Variants in GATA4 observed in about 807,000 individuals in gnomAD.
GATA4 encodes the protein transcription factor GATA-4.
A neutral mutation model predicts 37.9 loss-of-function variants in GATA4; 7 were observed. The ratio of observed to expected loss-of-function variants is 0.18; its 90% CI spans 0.11 to 0.35. The LOEUF (loss-of-function observed/expected upper bound fraction) is 0.35. Among genes scored for constraint, GATA4 ranks in the 10% least tolerant of loss-of-function variants. The pLI is 1.00. For synonymous variants in GATA4, 372 were observed against 292.6 expected (o/e 1.27, Z -2.77); for missense variants, 647 against 653.0 (o/e 0.99, Z 0.10).
chr8:11,751,304 C>T lies in GATA4; in HGVS notation c.912+1068C>T, dbSNP rs115848348. Among the ~76,000 whole-genome samples the T allele has an allele frequency of 3.9e-3, 589 of 152,288 alleles. 1 individual carries two copies. The highest frequency in any genetic ancestry group is 0.013 in the African/African-American group (541 of 41,562). ...AAGGCAAGGTGCCCAACACTACCTA[C>T]TATGGCACTATTTTTATAAATATGA... On this transcript the variant is annotated intron_variant, in intron 4 of 6. Transcript: ENST00000532059.
intron 2 of GATA4, among the ~76,000 whole-genome samples, chr8:11,714,012 A>G (rs1330729203): frequency 6.6e-6 from 1 of 152,242 alleles, no homozygotes; most frequent in East Asian, 1.9e-4. Context: ...ACCTCAGTGA[A>G]GCTGATTTTT....
At chr8:11,727,739 G>A (rs1801004134) in intron 2 of GATA4, among the ~76,000 whole-genome samples, 1 of 151,948 alleles carries the variant, frequency 6.6e-6, no homozygotes, top group Non-Finnish European at 1.5e-5. Flanking sequence ...AGCTAGGGAG[G>A]CTGCGGTGGG....
intron 2 of GATA4, among the ~76,000 whole-genome samples, chr8:11,730,883 C>G (rs549216545): frequency 6.6e-6 from 1 of 152,348 alleles, no homozygotes; most frequent in East Asian, 1.9e-4. Context: ...CCAGTGCCCT[C>G]TCTGTTTGTC....
chr8:11,681,357 G>A (rs1030940986), intron 1 of GATA4: 2 of 985,118 alleles, frequency 2.0e-6, no homozygotes, highest in African/African-American at 1.7e-5. Context: ...TCCAGCACTC[G>A]TCCCCCTAGG....
upstream of GATA4, among the ~76,000 whole-genome samples, chr8:11,703,177 TA>T (rs67213838): frequency 0.036 from 5,219 of 143,940 alleles, 80 homozygotes; most frequent in African/African-American, 0.043. Flanking sequence ...AACGCGGCCT[TA>T]AAAAAAAAAA....
intron 2 of GATA4, among the ~76,000 whole-genome samples, chr8:11,734,593 TCTC>T (rs1276869895): frequency 6.6e-6 from 1 of 152,142 alleles, no homozygotes; most frequent in Non-Finnish European, 1.5e-5. Flanking sequence ...TTCAGGCAAT[TCTC>T]CTGCCTCAGC....
chr8:11,703,619 C>T (rs1408321861), upstream of GATA4, among the ~76,000 whole-genome samples: 1 of 152,240 alleles, frequency 6.6e-6, no homozygotes, highest in Non-Finnish European at 1.5e-5. Context: ...GAGGCCTGGG[C>T]TCCCGACCAT....
upstream of GATA4, among the ~76,000 whole-genome samples, chr8:11,703,097 T>A (rs1799740356): frequency 6.6e-6 from 1 of 151,850 alleles, no homozygotes; most frequent in Non-Finnish European, 1.5e-5. Context: ...ACGGGTTTCG[T>A]GCAGGGTGTT....
At chr8:11,693,932 T>A (rs1173247913) in intron 1 of GATA4, among the ~76,000 whole-genome samples, 1 of 152,186 alleles carries the variant, frequency 6.6e-6, no homozygotes, top group East Asian at 1.9e-4. Context: ...TGCATGTGTG[T>A]GCATGTGTGT....
chr8:11,757,813 C>T (rs780334615), intron 6 of GATA4, among the ~76,000 whole-genome samples: 4 of 152,256 alleles, frequency 2.6e-5, no homozygotes, highest in Non-Finnish European at 4.4e-5. Flanking sequence ...AGCTTGATCA[C>T]GGTCTCCTTT....
chr8:11,746,825 C>G (rs1039517506), intron 2 of GATA4, among the ~76,000 whole-genome samples: 1 of 152,232 alleles, frequency 6.6e-6, no homozygotes, highest in African/African-American at 2.4e-5. Flanking sequence ...TAAAAATAGC[C>G]TCTGCTGTGA....
chr8:11,754,245 C>A (rs1802444129), intron 4 of GATA4, among the ~76,000 whole-genome samples: 1 of 152,214 alleles, frequency 6.6e-6, no homozygotes, highest in South Asian at 2.1e-4. Context: ...AAGATAGGGC[C>A]TTGCTCCACC....
intron 2 of GATA4, among the ~76,000 whole-genome samples, chr8:11,717,411 TGAAGTCTTTCTCCAAGAGGTA>T (rs1305186837): frequency 3.9e-5 from 6 of 152,304 alleles, no homozygotes; most frequent in Middle Eastern, 3.4e-3. Context: ...CCAGGGACTT[TGAAGTCTTTCTCCAAGAGGTA>T]GATACGATGA....
Position 11,708,251 on chromosome 8 carries a change from C to T in GATA4, c.-62C>T. ...CGTTGTTGCCGTCGTTTTCTCTCCCCGCGTGGCTCCTTGACCTGCGAGGGA... is the reference window on the plus strand; with the variant it reads ...CGTTGTTGCCGTCGTTTTCTCTCCCTGCGTGGCTCCTTGACCTGCGAGGGA... On this transcript the variant is annotated 5_prime_UTR_variant, in exon 2 of 7. Transcript: ENST00000532059. The surrounding 1 kb of genome is among the most constrained non-coding windows in gnomAD (Gnocchi z 6.7). 2 of 1,531,694 alleles carry T rather than the reference C, an allele frequency of 1.3e-6. No homozygotes were observed. The highest frequency in any genetic ancestry group is 2.4e-5 in the East Asian group (1 of 41,780). The allele number at this position is 1,531,694 out of a possible 1,614,324, so 94.9% of individuals were successfully genotyped here.
intron 2 of GATA4, among the ~76,000 whole-genome samples, chr8:11,735,800 A>G (rs1169696624): frequency 1.3e-5 from 2 of 152,236 alleles, no homozygotes; most frequent in Admixed American, 1.3e-4. Flanking sequence ...ACCTAAGGTC[A>G]TCCGCCCGCC....
chr8:11,685,752 C>T (rs1045527991), intron 1 of GATA4, among the ~76,000 whole-genome samples: 14 of 152,184 alleles, frequency 9.2e-5, no homozygotes, highest in Non-Finnish European at 1.9e-4. Flanking sequence ...CATCTAAGTT[C>T]TTGTAACTTT....
intron 2 of GATA4, among the ~76,000 whole-genome samples, chr8:11,725,090 T>C (rs1031150698): frequency 2.6e-5 from 4 of 152,186 alleles, no homozygotes; most frequent in South Asian, 2.1e-4. Context: ...TGTGTTGTCA[T>C]GGAAGGAGTC....
chr8:11,759,363 C>T lies in GATA4; in HGVS notation c.*888C>T, dbSNP rs905020993. On this transcript the variant is annotated 3_prime_UTR_variant, in exon 7 of 7. Transcript: ENST00000532059. ...CAAGCCAGTCTGGCAAGCACTCAGC[C>T]CAGCCTCGAGGTCCTTCTGGGGAGA... 1 of 152,962 alleles carries T rather than the reference C, an allele frequency of 6.5e-6. No homozygotes were observed. Among genetic ancestry groups the T allele is most frequent in the African/African-American group, 2.4e-5 (1 of 41,472 alleles). The allele number at this position is 152,962 out of a possible 1,614,324, so 9.5% of individuals were successfully genotyped here. A position where few individuals can be genotyped will look rare whatever the true frequency, so the allele number is the denominator to read the frequency against.
intron 1 of GATA4, chr8:11,681,449 G>T (rs1585542733): frequency 2.0e-6 from 2 of 984,012 alleles, no homozygotes; most frequent in Non-Finnish European, 2.4e-6. Context: ...CCGCGCAGAC[G>T]CCGGAATCCG....
Sources: allele counts gnomAD v4.1 joint callset (sites outside exome capture counted in the v4.1 genomes callset), GRCh38; gene constraint gnomAD v4.1.1; non-coding constraint Gnocchi (gnomAD v3.1); transcripts MANE v1.5; gene names NCBI Gene and HGNC (gene_info 2026-07-23, HGNC 2026-07-21).